Variants in GIPR observed in about 807,000 individuals in gnomAD.
The protein encoded by GIPR is gastric inhibitory polypeptide receptor.
A neutral mutation model predicts 62.2 loss-of-function variants in GIPR; 74 were observed. The ratio of observed to expected loss-of-function variants is 1.19; its 90% CI spans 0.99 to 1.44. The LOEUF (loss-of-function observed/expected upper bound fraction) is 1.44. Ranked by LOEUF, GIPR falls within the 40% of genes most tolerant of loss-of-function variation. The pLI is 0.00. For synonymous variants in GIPR, 256 were observed against 262.2 expected (o/e 0.98, Z 0.23); for missense variants, 664 against 611.8 (o/e 1.09, Z -0.90).
chr19:45,671,477 C>T, intron 4 of GIPR, 85 bp downstream of exon 4: 1 of 837,190 alleles, frequency 1.2e-6, no homozygotes, highest in Non-Finnish European at 2.1e-6. Flanking sequence ...CCGAGTCCCA[C>T]AGCTCACCTG....
At position 45,683,207 on chromosome 19, in the gene GIPR, G is replaced by C. The variant is rs572565581; in HGVS notation, c.*1272G>C. ...TGTAGGACATGACAGGACACTGAGT[G>C]TAAGGGTCTGGAGCTCTCAGGAGAG... On this transcript the variant is annotated 3_prime_UTR_variant, in exon 14 of 14. Transcript: ENST00000590918. 1 of 152,578 alleles carries C rather than the reference G, an allele frequency of 6.6e-6. No individual in the cohort carries two copies. Among genetic ancestry groups the C allele is most frequent in the Non-Finnish European group, 1.5e-5 (1 of 68,246 alleles). The allele number at this position is 152,578 out of a possible 1,614,324, so 9.5% of individuals were successfully genotyped here.
rs1967352171 is a variant in GIPR, at chr19:45,683,664, T to G, written c.*1729T>G. 2 of 152,172 alleles carry G rather than the reference T, an allele frequency of 1.3e-5. No homozygotes were observed. The highest frequency in any genetic ancestry group is 2.9e-5 in the Non-Finnish European group (2 of 68,040). 9.4% of individuals were successfully genotyped at this position (152,172 alleles called of 1,614,324 possible). A position where few individuals can be genotyped will look rare whatever the true frequency, so the allele number is the denominator to read the frequency against. On this transcript the variant is annotated 3_prime_UTR_variant, in exon 14 of 14. Transcript: ENST00000590918. ...ATTCCCCTACACCCTGCCTTGTGGG[T>G]TCTCGCGGGGTGGGGGCCTTAGGGC...
chr19:45,671,451 C>A, intron 4 of GIPR, 59 bp downstream of exon 4: 1 of 1,026,294 alleles, frequency 9.7e-7, no homozygotes. Context: ...TAACCTTTGC[C>A]CCCAGACACC....
At chr19:45,678,278 C>G (rs997560109) in intron 12 of GIPR, 52 bp downstream of exon 12, 6 of 1,536,222 alleles carry the variant, frequency 3.9e-6, no homozygotes, top group Non-Finnish European at 5.2e-6. Context: ...GCCTCCTCCC[C>G]AGAGGGGCAC....
At chr19:45,673,642 G>T (rs560153839) in intron 5 of GIPR, among the ~76,000 whole-genome samples, 2 of 151,960 alleles carry the variant, frequency 1.3e-5, no homozygotes, top group South Asian at 2.1e-4. Flanking sequence ...AAGGCGGGCG[G>T]ATCACGAGGT....
At chr19:45,678,707 G>A (rs1430766580) in intron 12 of GIPR, among the ~76,000 whole-genome samples, 2 of 152,190 alleles carry the variant, frequency 1.3e-5, no homozygotes, top group Non-Finnish European at 2.9e-5. Flanking sequence ...ACTGTCCTGG[G>A]CTGTGGGGAG....
chr19:45,669,432 G>T, intron 1 of GIPR, 45 bp from the exon 2 acceptor site: 1 of 1,522,202 alleles, frequency 6.6e-7, no homozygotes, highest in Non-Finnish European at 8.8e-7. Context: ...CGCTGGGGTT[G>T]GAGTAGGAGG....
Position 45,683,687 on chromosome 19 carries a change from G to A in GIPR, c.*1752G>A. 6.6e-6 allele frequency: 1 copy of A among 152,184 alleles called. No homozygotes were observed. The highest frequency in any genetic ancestry group is 1.9e-4 in the East Asian group (1 of 5,194). The allele number at this position is 152,184 out of a possible 1,614,324, so 9.4% of individuals were successfully genotyped here. On this transcript the variant is annotated 3_prime_UTR_variant, in exon 14 of 14. Coordinates refer to ENST00000590918, the MANE Select transcript of GIPR (RefSeq NM_000164.4). The stretch of plus-strand genomic sequence containing the variant: ...GGTTCTCGCGGGGTGGGGGCCTTAG[G>A]GCAAGGCTCTTGTAAATAAAGTATA...
chr19:45,677,347 C>A lies in GIPR; in HGVS notation c.818C>A (p.Pro273His). ...GGGGCCCCCGCGCTTTTCGTCATTC[C>A]CTGGGTGATCGTCAGGTACCTGTAC... is the stretch of plus-strand genomic sequence containing the variant. Reference protein sequence around the residue: ...GWGAPALFVIPWVIVRYLYEN... With the variant: ...GWGAPALFVIHWVIVRYLYEN... The change falls in exon 9 of 14, where the codon CCC becomes CAC. Residue 273 changes from proline to histidine, a missense_variant. Coordinates refer to ENST00000590918, the MANE Select transcript of GIPR (RefSeq NM_000164.4). 6.2e-7 allele frequency: 1 copy of A among 1,602,468 alleles called. No homozygotes were observed. Among genetic ancestry groups the A allele is most frequent in the South Asian group, 1.1e-5 (1 of 90,008 alleles).
chr19:45,675,946 C>CT (rs1975829679), intron 7 of GIPR, among the ~76,000 whole-genome samples: 1 of 152,070 alleles, frequency 6.6e-6, no homozygotes, highest in African/African-American at 2.4e-5. Context: ...TGGCTCATGC[C>CT]TGTAATCCAA....
At position 45,682,007 on chromosome 19, in the gene GIPR, G is replaced by T. The variant is rs1467498639; in HGVS notation, c.*72G>T. On this transcript the variant is annotated 3_prime_UTR_variant, in exon 14 of 14. Coordinates refer to ENST00000590918, the MANE Select transcript of GIPR (RefSeq NM_000164.4). ...GCCAACTGCGTGCCAGGCCCAGTAC[G>T]GAGGACGCTGGGGAAATGGTGAAGG... 2 of 1,267,606 alleles carry T rather than the reference G, an allele frequency of 1.6e-6. No homozygotes were observed. Among genetic ancestry groups the T allele is most frequent in the Non-Finnish European group, 2.2e-6 (2 of 890,794 alleles). The allele number at this position is 1,267,606 out of a possible 1,614,324, so 78.5% of individuals were successfully genotyped here.
intron 2 of GIPR, 190 bp from the exon 3 acceptor site, chr19:45,670,445 A>T: frequency 1.9e-6 from 1 of 538,934 alleles, no homozygotes; most frequent in Non-Finnish European, 3.4e-6. Context: ...AGTCTCCCAT[A>T]GCAACTCCAG....
chr19:45,672,876 G>T lies in GIPR; in HGVS notation c.306G>T (p.Gln102His), dbSNP rs774479348. The change falls in exon 5 of 14, where the codon CAG (glutamine) becomes CAT (histidine). Residue 102 changes from glutamine to histidine, a missense_variant. Transcript: ENST00000590918. The stretch of plus-strand genomic sequence containing the variant: ...TGGCTGCAGGTTTCGTCCTCCGCCA[G>T]TGTGGCAGTGATGGCCAATGGGGAC... Reference protein sequence around the residue: ...HHVAAGFVLRQCGSDGQWGLW... With the variant: ...HHVAAGFVLRHCGSDGQWGLW... 1 of 1,612,732 alleles carries T rather than the reference G, an allele frequency of 6.2e-7. No homozygotes were observed. The highest frequency in any genetic ancestry group is 1.3e-5 in the African/African-American group (1 of 74,900).
At chr19:45,680,035 G>A (rs1225673791) in intron 12 of GIPR, among the ~76,000 whole-genome samples, 2 of 152,046 alleles carry the variant, frequency 1.3e-5, no homozygotes, top group East Asian at 3.9e-4. Context: ...CTCCCAAAGC[G>A]CCGGGATTAC....
At chr19:45,678,326 G>A in intron 12 of GIPR, 100 bp downstream of exon 12, 1 of 1,314,986 alleles carries the variant, frequency 7.6e-7, no homozygotes, top group Non-Finnish European at 1.1e-6. Context: ...CCACTGAATG[G>A]GGTGGGAAGA....
Position 45,674,809 on chromosome 19 carries a change from C to G in GIPR, c.616C>G (p.Leu206Val). Reference sequence around the variant, plus strand: ...TGGCCCCTACCTTGGGGACCAGGCCCTTGCGCTGTGGAACCAGGTGGGCAT... The same window carrying G: ...TGGCCCCTACCTTGGGGACCAGGCCGTTGCGCTGTGGAACCAGGTGGGCAT... ...RPGPYLGDQA[L>V]ALWNQALAAC... The change falls in exon 7 of 14, where the codon CTT becomes GTT. Residue 206 changes from leucine to valine, a missense_variant. Coordinates refer to ENST00000590918, the MANE Select transcript of GIPR (RefSeq NM_000164.4). 1.2e-6 allele frequency: 2 copies of G among 1,614,020 alleles called. No individual in the cohort carries two copies. Among genetic ancestry groups the G allele is most frequent in the South Asian group, 2.2e-5 (2 of 91,078 alleles).
At chr19:45,673,953 A>C in intron 5 of GIPR, 121 bp from the exon 6 acceptor site, 1 of 772,994 alleles carries the variant, frequency 1.3e-6, no homozygotes, top group South Asian at 1.4e-5. Flanking sequence ...AAGGGTAAGC[A>C]GTTCCCCAAG....
rs139322374 is a variant in GIPR at position 45,669,565 on chromosome 19, G to C, written c.45G>C (p.Leu15=). The C allele has an allele frequency of 6.3e-7, 1 of 1,581,524 alleles. No individual in the cohort carries two copies. Among genetic ancestry groups the C allele is most frequent in the Non-Finnish European group, 8.6e-7 (1 of 1,166,856 alleles). The change falls in exon 2 of 14, where the codon CTG becomes CTC. Residue 15 remains leucine (L), a synonymous_variant. Transcript: ENST00000590918. The part of the protein sequence containing the change: ...PILQLLLRLS[L]CGLLLQRAET... ...TGCAGCTGCTGCTGCGGCTCTCACT[G>C]TGCGGGCTGCTGCTCCAGAGGGCGG...
Position 45,677,931 on chromosome 19 carries a change from T to C in GIPR, c.950T>C (p.Ile317Thr). The C allele has an allele frequency of 6.2e-7, 1 of 1,614,054 alleles. No homozygotes were observed. The highest frequency in any genetic ancestry group is 1.3e-5 in the African/African-American group (1 of 75,050). Residue 317 changes from isoleucine to threonine, a missense_variant, in exon 11 of 14, where the codon ATT becomes ACT. Transcript: ENST00000590918. ...ATTAATTTCCTCATTTTTATCCGCA[T>C]TCTTGGCATTCTCCTGTCCAAGCTG... is the stretch of plus-strand genomic sequence containing the variant. Reference protein sequence around the residue: ...ILINFLIFIRILGILLSKLRT... With the variant: ...ILINFLIFIRTLGILLSKLRT...
Sources: allele counts gnomAD v4.1 joint callset (sites outside exome capture counted in the v4.1 genomes callset), GRCh38; gene constraint gnomAD v4.1.1; transcripts MANE v1.5; gene names NCBI Gene and HGNC (gene_info 2026-07-23, HGNC 2026-07-21).